The following PRRX1 variants were observed in gnomAD, a reference collection of about 807,000 sequenced individuals.
PRRX1 encodes paired mesoderm homeobox protein 1.
A neutral mutation model predicts 24.0 loss-of-function variants in PRRX1; 8 were observed. The observed-to-expected ratio is 0.33, with a 90% CI of 0.20 to 0.60. PRRX1 has a LOEUF of 0.60. PRRX1 is among the 20% of genes least tolerant of loss of function. The probability of loss-of-function intolerance (pLI) is 0.82; values close to 1 mark genes in which losing one functional copy is unlikely to be tolerated. For synonymous variants in PRRX1, 160 were observed against 131.7 expected (o/e 1.22, Z -1.47); for missense variants, 281 against 322.4 (o/e 0.87, Z 0.98).
At chr1:170,702,309 G>A (rs1021361860) in intron 1 of PRRX1, among the ~76,000 whole-genome samples, 1 of 152,136 alleles carries the variant, frequency 6.6e-6, no homozygotes, top group Non-Finnish European at 1.5e-5. Flanking sequence ...GTTGGAACTA[G>A]AACACTAGAA....
At chr1:170,733,116 A>G (rs76074817) in intron 3 of PRRX1, among the ~76,000 whole-genome samples, 7,189 of 152,276 alleles carry the variant, frequency 0.047, 253 homozygotes, top group Middle Eastern at 0.13. Context: ...TCTTGCCTAC[A>G]TTCAAGAGAG....
intron 1 of PRRX1, among the ~76,000 whole-genome samples, chr1:170,672,114 T>C (rs1653163801): frequency 6.6e-6 from 1 of 152,116 alleles, no homozygotes; most frequent in Admixed American, 6.5e-5. Flanking sequence ...GCAACTTGGG[T>C]ACCTAAAGCC....
intron 1 of PRRX1, among the ~76,000 whole-genome samples, chr1:170,692,907 C>CTA (rs1654042505): frequency 1.3e-5 from 2 of 152,064 alleles, no homozygotes; most frequent in South Asian, 4.1e-4. Context: ...TGGCCTAATC[C>CTA]TATATATATG....
intron 1 of PRRX1, among the ~76,000 whole-genome samples, chr1:170,710,718 G>C (rs1455998113): frequency 6.6e-6 from 1 of 152,166 alleles, no homozygotes; most frequent in Non-Finnish European, 1.5e-5. Flanking sequence ...CCTCATGATG[G>C]AATTAGTGTC....
At chr1:170,688,190 G>T (rs757550552) in intron 1 of PRRX1, among the ~76,000 whole-genome samples, 30 of 151,994 alleles carry the variant, frequency 2.0e-4, no homozygotes, top group Non-Finnish European at 4.0e-4. Flanking sequence ...GGAGCTCATT[G>T]TTGACTTTGG....
intron 3 of PRRX1, among the ~76,000 whole-genome samples, chr1:170,732,608 T>G (rs866819139): frequency 1.3e-5 from 2 of 152,178 alleles, no homozygotes; most frequent in Non-Finnish European, 2.9e-5. Flanking sequence ...TTGCAATTAT[T>G]TAGTATGTGT....
At chr1:170,724,372 G>T (rs541109208) in intron 2 of PRRX1, among the ~76,000 whole-genome samples, 2 of 152,296 alleles carry the variant, frequency 1.3e-5, no homozygotes, top group East Asian at 3.9e-4. Context: ...CCTATGTCCT[G>T]AATGATATTG....
chr1:170,706,609 C>A (rs2101908230), intron 1 of PRRX1, among the ~76,000 whole-genome samples: 1 of 152,264 alleles, frequency 6.6e-6, no homozygotes, highest in South Asian at 2.1e-4. Context: ...TATGAAAAAA[C>A]TTTACTAACA....
At chr1:170,665,005 G>C (rs557105396) in intron 1 of PRRX1, among the ~76,000 whole-genome samples, 2 of 152,366 alleles carry the variant, frequency 1.3e-5, no homozygotes, top group African/African-American at 4.8e-5. Flanking sequence ...GGGCGCGACC[G>C]GGAGGCCCCG....
chr1:170,670,430 A>C (rs1653107113), intron 1 of PRRX1, among the ~76,000 whole-genome samples: 1 of 152,190 alleles, frequency 6.6e-6, no homozygotes, highest in East Asian at 1.9e-4. Context: ...TGTTTATTCT[A>C]AAATCAATAA....
chr1:170,716,476 C>A (rs1280920746), intron 1 of PRRX1, among the ~76,000 whole-genome samples: 1 of 151,352 alleles, frequency 6.6e-6, no homozygotes, highest in Non-Finnish European at 1.5e-5. Context: ...CCCAGCTACT[C>A]GGGAGGCTGA....
chr1:170,679,686 T>C (rs1317533773), intron 1 of PRRX1, among the ~76,000 whole-genome samples: 1 of 152,140 alleles, frequency 6.6e-6, no homozygotes, highest in Non-Finnish European at 1.5e-5. Context: ...GGCATTTTAT[T>C]TTTTGTCATA....
chr1:170,721,432 G>C (rs937784564), intron 2 of PRRX1, among the ~76,000 whole-genome samples: 2 of 152,254 alleles, frequency 1.3e-5, no homozygotes, highest in Admixed American at 1.3e-4. Flanking sequence ...CTGTGTCTAT[G>C]GAGGAGGCAC....
intron 1 of PRRX1, among the ~76,000 whole-genome samples, chr1:170,666,516 C>T (rs184864960): frequency 1.3e-3 from 191 of 151,614 alleles, no homozygotes; most frequent in African/African-American, 4.5e-3. Flanking sequence ...TTTGCCAGGA[C>T]GACTTATTAA....
chr1:170,718,072 A>G (rs1362051825), intron 1 of PRRX1, among the ~76,000 whole-genome samples: 1 of 152,224 alleles, frequency 6.6e-6, no homozygotes, highest in East Asian at 1.9e-4. Context: ...CATGAAGCAG[A>G]GAGAAAGGTA....
chr1:170,690,976 G>A (rs1161072874), intron 1 of PRRX1, among the ~76,000 whole-genome samples: 1 of 152,110 alleles, frequency 6.6e-6, no homozygotes, highest in East Asian at 1.9e-4. Flanking sequence ...GGTACTCGTG[G>A]TTTTATCTAG....
chr1:170,712,303 T>C (rs1392872780), intron 1 of PRRX1, among the ~76,000 whole-genome samples: 1 of 152,188 alleles, frequency 6.6e-6, no homozygotes, highest in East Asian at 1.9e-4. Flanking sequence ...CAAACACCTG[T>C]GCATGATATA....
intron 1 of PRRX1, chr1:170,669,452 A>AAAAAAAAAAAAAAAAAAAAC (rs1165624693): frequency 6.7e-6 from 1 of 148,172 alleles, no homozygotes; most frequent in Non-Finnish European, 1.5e-5. Flanking sequence ...AAAAAAAAAA[A>AAAAAAAAAAAAAAAAAAAAC]AATTCAGAAG....
chr1:170,727,116 T>C (rs1475499583), intron 3 of PRRX1: 1 of 152,174 alleles, frequency 6.6e-6, no homozygotes, highest in African/African-American at 2.4e-5. Flanking sequence ...TGTGTGTGTG[T>C]CTGTGTGTGT....
Sources: gnomAD v4.1 joint callset for allele counts (sites outside exome capture counted in the v4.1 genomes callset) on GRCh38, gnomAD v4.1.1 for gene constraint, MANE v1.5 for transcripts, NCBI Gene and HGNC (gene_info 2026-07-23, HGNC 2026-07-21) for gene names.